Variants in CSNK1G1 observed in about 807,000 individuals in gnomAD.
CSNK1G1 encodes casein kinase 1 gamma 1.
Under a neutral mutation model 59.6 loss-of-function variants are expected in CSNK1G1, and 22 were observed. That is an observed-to-expected ratio of 0.37 (90% CI 0.26 to 0.53). CSNK1G1 has a LOEUF of 0.53. CSNK1G1 is among the 20% of genes least tolerant of loss of function. CSNK1G1 has a pLI of 0.89. For synonymous variants in CSNK1G1, 179 were observed against 177.1 expected (o/e 1.01, Z -0.08); for missense variants, 384 against 519.5 (o/e 0.74, Z 2.54).
chr15:64,259,489 C>CAG (rs1232389311), intron 2 of CSNK1G1, among the ~76,000 whole-genome samples: 15 of 114,104 alleles, frequency 1.3e-4, no homozygotes, highest in Non-Finnish European at 2.5e-4. Flanking sequence ...CTCTTACACA[C>CAG]ACACACACAC....
intron 7 of CSNK1G1, among the ~76,000 whole-genome samples, chr15:64,205,686 A>T (rs938930890): frequency 6.6e-6 from 1 of 152,250 alleles, no homozygotes; most frequent in African/African-American, 2.4e-5. Context: ...TACCACTAAA[A>T]TGATTTATGG....
chr15:64,349,586 T>C (rs950678982), intron 1 of CSNK1G1, among the ~76,000 whole-genome samples: 9 of 152,186 alleles, frequency 5.9e-5, no homozygotes, highest in African/African-American at 1.9e-4. Flanking sequence ...CATCAGAACA[T>C]TCCTGCTGCA....
intron 4 of CSNK1G1, among the ~76,000 whole-genome samples, chr15:64,238,778 C>G (rs944681213): frequency 6.6e-6 from 1 of 151,712 alleles, no homozygotes; most frequent in African/African-American, 2.4e-5. Context: ...CCATGCCCCC[C>G]CAGGGATAGA....
chr15:64,179,581 A>G (rs1208369544), intron 11 of CSNK1G1, among the ~76,000 whole-genome samples: 1 of 152,196 alleles, frequency 6.6e-6, no homozygotes, highest in Non-Finnish European at 1.5e-5. Flanking sequence ...CCTACCTGGT[A>G]TCTTCTTGAA....
intron 11 of CSNK1G1, among the ~76,000 whole-genome samples, chr15:64,178,933 T>A (rs1189720553): frequency 6.8e-6 from 1 of 147,360 alleles, no homozygotes; most frequent in African/African-American, 2.5e-5. Flanking sequence ...AATTTTTTTA[T>A]AGAGTTGGGG....
chr15:64,232,104 T>C (rs1324194921), intron 4 of CSNK1G1, among the ~76,000 whole-genome samples: 3 of 152,104 alleles, frequency 2.0e-5, no homozygotes, highest in Non-Finnish European at 4.4e-5. Context: ...ATATGAAGTA[T>C]AAAGAAAAGA....
chr15:64,288,528 TATTAC>T (rs1365863777), intron 2 of CSNK1G1, among the ~76,000 whole-genome samples: 1 of 151,992 alleles, frequency 6.6e-6, no homozygotes, highest in Non-Finnish European at 1.5e-5. Context: ...TTATAAAAAA[TATTAC>T]ATGATACTTT....
intron 4 of CSNK1G1, among the ~76,000 whole-genome samples, chr15:64,221,232 A>G (rs1325668715): frequency 6.6e-6 from 1 of 152,234 alleles, no homozygotes; most frequent in African/African-American, 2.4e-5. Flanking sequence ...GCTTAGAAAT[A>G]TAATATTGGC....
intron 2 of CSNK1G1, among the ~76,000 whole-genome samples, chr15:64,299,541 G>A (rs1055505674): frequency 2.6e-5 from 4 of 151,326 alleles, no homozygotes; most frequent in Non-Finnish European, 2.9e-5. Flanking sequence ...GCAGTGAGCC[G>A]AGATCGCGCC....
At chr15:64,238,899 G>A (rs1228218280) in intron 4 of CSNK1G1, among the ~76,000 whole-genome samples, 1 of 152,066 alleles carries the variant, frequency 6.6e-6, no homozygotes, top group African/African-American at 2.4e-5. Context: ...CAGATACCAA[G>A]AGTCTCCCCA....
At chr15:64,319,844 C>A (rs1047325808) in intron 1 of CSNK1G1, among the ~76,000 whole-genome samples, 7 of 151,484 alleles carry the variant, frequency 4.6e-5, no homozygotes, top group Non-Finnish European at 1.0e-4. Flanking sequence ...AAATGTAACA[C>A]CTTTATTTTG....
intron 4 of CSNK1G1, among the ~76,000 whole-genome samples, chr15:64,232,896 C>A (rs1298209347): frequency 6.6e-6 from 1 of 152,142 alleles, no homozygotes; most frequent in Non-Finnish European, 1.5e-5. Context: ...GAGAAAATAG[C>A]ACCAGAACCT....
At chr15:64,278,735 G>A (rs557239737) in intron 2 of CSNK1G1, among the ~76,000 whole-genome samples, 2 of 152,172 alleles carry the variant, frequency 1.3e-5, no homozygotes, top group East Asian at 3.9e-4. Flanking sequence ...CATAAAAGTA[G>A]ATTTTTATGT....
intron 1 of CSNK1G1, among the ~76,000 whole-genome samples, chr15:64,312,996 T>C (rs1195747254): frequency 6.6e-6 from 1 of 152,014 alleles, no homozygotes; most frequent in Admixed American, 6.6e-5. Context: ...CCAACAAACA[T>C]GAAAAAATGC....
chr15:64,206,198 T>C (rs1209977680), intron 7 of CSNK1G1, among the ~76,000 whole-genome samples: 2 of 152,020 alleles, frequency 1.3e-5, no homozygotes, highest in African/African-American at 2.4e-5. Flanking sequence ...TCCCAGCACT[T>C]TGGGAGGCCG....
chr15:64,292,123 T>G (rs940325300), intron 2 of CSNK1G1, among the ~76,000 whole-genome samples: 1 of 149,524 alleles, frequency 6.7e-6, no homozygotes. Flanking sequence ...GGCAGGAGAA[T>G]GGTGTGAACC....
chr15:64,306,094 T>C (rs1262505363), intron 1 of CSNK1G1, among the ~76,000 whole-genome samples: 1 of 152,196 alleles, frequency 6.6e-6, no homozygotes, highest in Non-Finnish European at 1.5e-5. Context: ...AATGACTTCT[T>C]AGATATACCA....
intron 1 of CSNK1G1, among the ~76,000 whole-genome samples, chr15:64,306,694 G>A (rs187296465): frequency 5.3e-5 from 8 of 152,268 alleles, no homozygotes; most frequent in Admixed American, 1.3e-4. Context: ...GTTTACAGCA[G>A]CTTCATTTGT....
Position 64,203,078 on chromosome 15 carries a change from A to C in CSNK1G1, c.1107+4T>G. On this transcript the variant is annotated splice_donor_region_variant and intron_variant, in intron 10 of 11. Transcript: ENST00000303052. The stretch of plus-strand genomic sequence containing the variant: ...GTCTGAAAGAATGGAGGATCAACAC[A>C]TACCTGATTTCGAAGAGGCTGCTGT... 6.2e-7 allele frequency: 1 copy of C among 1,607,824 alleles called. No individual in the cohort carries two copies. The highest frequency in any genetic ancestry group is 8.5e-7 in the Non-Finnish European group (1 of 1,174,264).
Sources: gnomAD v4.1 joint callset for allele counts (sites outside exome capture counted in the v4.1 genomes callset) on GRCh38, gnomAD v4.1.1 for gene constraint, MANE v1.5 for transcripts, NCBI Gene and HGNC (gene_info 2026-07-23, HGNC 2026-07-21) for gene names.